Variants in HS3ST2 observed in about 807,000 individuals in gnomAD.
HS3ST2 encodes the protein heparan sulfate glucosamine 3-O-sulfotransferase 2.
HS3ST2 carries 17 observed loss-of-function variants against 26.3 expected under a neutral mutation model. That is an observed-to-expected ratio of 0.65 (90% CI 0.44 to 0.97). The LOEUF (loss-of-function observed/expected upper bound fraction) is 0.97. Ranked by LOEUF, HS3ST2 falls within the 50% of genes least tolerant of loss-of-function variation. The pLI, the probability that HS3ST2 is intolerant of heterozygous loss-of-function variation, is 0.00. For missense variants in HS3ST2, 402 were observed against 501.2 expected, an observed-to-expected ratio of 0.80 and a Z score of 1.89; for synonymous variants, 237 against 219.2, an observed-to-expected ratio of 1.08 and a Z score of -0.72.
At chr16:22,911,441 G>T (rs1003482291) in intron 1 of HS3ST2, among the ~76,000 whole-genome samples, 20 of 152,200 alleles carry the variant, frequency 1.3e-4, no homozygotes, top group African/African-American at 4.6e-4. Context: ...GTTTCCTGTG[G>T]CTACCATAAC....
chr16:22,853,448 AT>A (rs1901545936), intron 1 of HS3ST2, among the ~76,000 whole-genome samples: 1 of 152,176 alleles, frequency 6.6e-6, no homozygotes, highest in Admixed American at 6.5e-5. Context: ...TACCACTGCT[AT>A]TTCAGGAATC....
At chr16:22,820,030 G>A (rs1419406680) in intron 1 of HS3ST2, among the ~76,000 whole-genome samples, 1 of 152,226 alleles carries the variant, frequency 6.6e-6, no homozygotes, top group East Asian at 1.9e-4. Context: ...ATAGATGAAT[G>A]TGTGTGCACA....
intron 1 of HS3ST2, among the ~76,000 whole-genome samples, chr16:22,894,739 A>G (rs1486710990): frequency 6.6e-6 from 1 of 151,748 alleles, no homozygotes; most frequent in Non-Finnish European, 1.5e-5. Context: ...GTCTCTTAAA[A>G]AAAAAAAAAA....
At chr16:22,864,654 T>C (rs946744563) in intron 1 of HS3ST2, among the ~76,000 whole-genome samples, 6 of 152,024 alleles carry the variant, frequency 3.9e-5, no homozygotes, top group Non-Finnish European at 7.4e-5. Context: ...ACTGAGTGCA[T>C]ACAAATCACA....
chr16:22,889,715 T>C (rs1902106168), intron 1 of HS3ST2, among the ~76,000 whole-genome samples: 1 of 152,144 alleles, frequency 6.6e-6, no homozygotes, highest in East Asian at 1.9e-4. Flanking sequence ...ACTTGCTCAG[T>C]GTCCCTCAAT....
intron 1 of HS3ST2, among the ~76,000 whole-genome samples, chr16:22,847,615 G>A (rs951090083): frequency 1.3e-5 from 2 of 151,976 alleles, no homozygotes; most frequent in Non-Finnish European, 1.5e-5. Flanking sequence ...AGAGGGGAAT[G>A]GAAGAGAAGT....
In HS3ST2 at chr16:22,912,482, C is replaced by T. The variant is rs1438068693; in HGVS notation, c.486-2462C>T. Among the ~76,000 whole-genome samples, 5 of 152,124 alleles carry T rather than the reference C, an allele frequency of 3.3e-5. No individual in the cohort carries two copies. In the East Asian group the frequency reaches 9.6e-4, roughly 29 times the overall value. On this transcript the variant is annotated intron_variant, in intron 1 of 1. Coordinates refer to ENST00000261374, the MANE Select transcript of HS3ST2 (RefSeq NM_006043.2). ...AAATCATAGTGTTAGTGATGCAGGG[C>T]AGGCGAGCCTTGGGGAGTTCTTGGC...
chr16:22,911,149 T>C (rs1236769217), intron 1 of HS3ST2, among the ~76,000 whole-genome samples: 9 of 152,132 alleles, frequency 5.9e-5, no homozygotes. Flanking sequence ...ATTAAGGATA[T>C]ATTTGTAAGT....
chr16:22,838,777 G>A (rs1195168499), intron 1 of HS3ST2, among the ~76,000 whole-genome samples: 1 of 152,202 alleles, frequency 6.6e-6, no homozygotes, highest in East Asian at 1.9e-4. Flanking sequence ...GTAGCTGGGT[G>A]GATCATCCAG....
intron 1 of HS3ST2, among the ~76,000 whole-genome samples, chr16:22,875,051 C>A (rs1283211928): frequency 6.6e-6 from 1 of 152,144 alleles, no homozygotes; most frequent in African/African-American, 2.4e-5. Flanking sequence ...GCTGTAAAAT[C>A]CATTGCTAGG....
chr16:22,914,968 G>C lies in HS3ST2; in HGVS notation c.510G>C (p.Glu170Asp). The C allele has an allele frequency of 3.1e-6, 5 of 1,613,322 alleles. No individual in the cohort carries two copies. The highest frequency in any genetic ancestry group is 4.2e-6 in the Non-Finnish European group (5 of 1,179,936). Residue 170 changes from glutamate to aspartate, a missense_variant, in exon 2 of 2, where the codon GAG (glutamate) becomes GAC (aspartate). By Grantham distance (45) the Glu-to-Asp change is conservative. This residue lies in a region of HS3ST2 where 237 missense variants were observed against 346.6 expected (regional missense o/e 0.68). Coordinates refer to ENST00000261374, the MANE Select transcript of HS3ST2 (RefSeq NM_006043.2). ...WYRSLMPRTLESQITLEKTPS... is the reference protein window; with the variant it reads ...WYRSLMPRTLDSQITLEKTPS... ...GGAGCCTGATGCCCAGGACCCTCGAGAGCCAGATCACGCTGGAGAAGACGC... is the reference window on the plus strand; with the variant it reads ...GGAGCCTGATGCCCAGGACCCTCGACAGCCAGATCACGCTGGAGAAGACGC...
At chr16:22,841,218 T>C (rs1317049134) in intron 1 of HS3ST2, among the ~76,000 whole-genome samples, 1 of 152,026 alleles carries the variant, frequency 6.6e-6, no homozygotes, top group Admixed American at 6.6e-5. Context: ...CCCACCAGCA[T>C]GCCCAGCTAA....
rs958948061 is a variant in HS3ST2, at chr16:22,915,860, G to T, written c.*298G>T. 5.0e-6 allele frequency: 2 copies of T among 396,970 alleles called. No homozygotes were observed. Among genetic ancestry groups the T allele is most frequent in the Non-Finnish European group, 4.5e-6 (1 of 221,972 alleles). The allele number at this position is 396,970 out of a possible 1,614,324, so 24.6% of individuals were successfully genotyped here. On this transcript the variant is annotated 3_prime_UTR_variant, in exon 2 of 2. Coordinates refer to ENST00000261374, the MANE Select transcript of HS3ST2 (RefSeq NM_006043.2). Reference sequence around the variant, plus strand: ...CTTGGAGAATTGCTTTAAGAAGAGTGAATGTTCCAATGATGATAGATATTA... The same window carrying T: ...CTTGGAGAATTGCTTTAAGAAGAGTTAATGTTCCAATGATGATAGATATTA...
At chr16:22,867,882 TA>T (rs1261712255) in intron 1 of HS3ST2, among the ~76,000 whole-genome samples, 1 of 152,176 alleles carries the variant, frequency 6.6e-6, no homozygotes, top group African/African-American at 2.4e-5. Flanking sequence ...ATTTGACTAT[TA>T]AAAAATGCAA....
At chr16:22,868,697 A>T (rs1404179027) in intron 1 of HS3ST2, among the ~76,000 whole-genome samples, 1 of 152,022 alleles carries the variant, frequency 6.6e-6, no homozygotes, top group Non-Finnish European at 1.5e-5. Flanking sequence ...CTGGGCACTG[A>T]TTTGTTTCCT....
At chr16:22,907,462 T>G (rs1428026096) in intron 1 of HS3ST2, among the ~76,000 whole-genome samples, 1 of 152,168 alleles carries the variant, frequency 6.6e-6, no homozygotes, top group Non-Finnish European at 1.5e-5. Flanking sequence ...ATCTGTGGTC[T>G]GAGGAAGAGT....
rs994658568 is a variant in HS3ST2, at chr16:22,814,321, G to A, written c.-290G>A. The stretch of plus-strand genomic sequence containing the variant: ...TGGGCGCGCTCCGAACCCGGCGCAC[G>A]TAAGAGCCTGGGAGCGCCCGAGCCG... On this transcript the variant is annotated 5_prime_UTR_variant, in exon 1 of 2. Transcript: ENST00000261374. 8.4e-5 allele frequency: 28 copies of A among 333,348 alleles called. No homozygotes were observed. The highest frequency in any genetic ancestry group is 1.5e-4 in the Admixed American group (3 of 20,346). The allele number at this position is 333,348 out of a possible 1,614,324, so 20.6% of individuals were successfully genotyped here.
chr16:22,849,420 C>CT (rs750719051), intron 1 of HS3ST2, among the ~76,000 whole-genome samples: 4 of 152,134 alleles, frequency 2.6e-5, no homozygotes, highest in Non-Finnish European at 4.4e-5. Flanking sequence ...GAAATACTAT[C>CT]TTTTTTGCGG....
intron 1 of HS3ST2, among the ~76,000 whole-genome samples, chr16:22,874,383 T>C (rs1215355855): frequency 1.3e-5 from 2 of 152,238 alleles, no homozygotes; most frequent in East Asian, 3.8e-4. Flanking sequence ...ACGTCCCATC[T>C]GCAAGTTCTC....
Sources: gnomAD v4.1 joint callset for allele counts (sites outside exome capture counted in the v4.1 genomes callset) on GRCh38, gnomAD v4.1.1 for gene constraint, gnomAD v4.1.1 regional missense constraint, MANE v1.5 for transcripts, NCBI Gene and HGNC (gene_info 2026-07-23, HGNC 2026-07-21) for gene names.